The following SPAG16 variants were observed in gnomAD, a reference collection of about 807,000 sequenced individuals.
SPAG16 encodes the protein sperm-associated antigen 16 protein.
SPAG16 carries 86 observed loss-of-function variants against 80.4 expected under a neutral mutation model. The observed-to-expected ratio is 1.07, with a 90% CI of 0.90 to 1.28. The LOEUF is 1.28. Ranked by LOEUF, SPAG16 falls within the 50% of genes most tolerant of loss-of-function variation. The probability of loss-of-function intolerance (pLI) is 0.00; values close to 1 mark genes in which losing one functional copy is unlikely to be tolerated. For synonymous variants in SPAG16, 294 were observed against 265.9 expected, an observed-to-expected ratio of 1.11 and a Z score of -1.03; for missense variants, 870 against 765.3, an observed-to-expected ratio of 1.14 and a Z score of -1.61.
At chr2:214,141,878 T>A (rs1285237957) in intron 14 of SPAG16, among the ~76,000 whole-genome samples, 1 of 152,228 alleles carries the variant, frequency 6.6e-6, no homozygotes, top group Non-Finnish European at 1.5e-5. Flanking sequence ...TTATGCATTA[T>A]ACTCAATATT....
chr2:213,592,856 CA>C (rs1207150548), intron 10 of SPAG16, among the ~76,000 whole-genome samples: 1 of 152,194 alleles, frequency 6.6e-6, no homozygotes, highest in Non-Finnish European at 1.5e-5. Context: ...GGCTATTCTG[CA>C]CTGGCAGAAA....
intron 10 of SPAG16, among the ~76,000 whole-genome samples, chr2:213,722,863 T>G (rs934091698): frequency 3.9e-5 from 6 of 152,062 alleles, no homozygotes; most frequent in African/African-American, 1.4e-4. Flanking sequence ...AACAGGAAAC[T>G]CAGTTGTTTG....
At chr2:213,966,107 G>A (rs574013330) in intron 12 of SPAG16, among the ~76,000 whole-genome samples, 108 of 152,076 alleles carry the variant, frequency 7.1e-4, no homozygotes, top group Non-Finnish European at 1.2e-3. Context: ...TTGCTAGTTT[G>A]GGATCTTCCC....
chr2:213,482,748 AG>A (rs1274855427), intron 9 of SPAG16, among the ~76,000 whole-genome samples: 1 of 152,168 alleles, frequency 6.6e-6, no homozygotes, highest in Non-Finnish European at 1.5e-5. Context: ...GGTTCTGATT[AG>A]AGTGTAGAAT....
At chr2:213,299,867 G>A (rs1238801099) in intron 3 of SPAG16, among the ~76,000 whole-genome samples, 2 of 152,064 alleles carry the variant, frequency 1.3e-5, no homozygotes, top group East Asian at 3.9e-4. Flanking sequence ...ACAAGTAAAG[G>A]TAGGATTATA....
chr2:213,731,634 C>T (rs1346948460), intron 10 of SPAG16, among the ~76,000 whole-genome samples: 5 of 152,072 alleles, frequency 3.3e-5, no homozygotes, highest in African/African-American at 1.2e-4. Context: ...TGCCCCTCTT[C>T]CCACCCCCTG....
chr2:213,464,026 C>A (rs2072533341), intron 9 of SPAG16, among the ~76,000 whole-genome samples: 1 of 152,164 alleles, frequency 6.6e-6, no homozygotes, highest in African/African-American at 2.4e-5. Context: ...GTACTAAGTC[C>A]CCTGGTTGAA....
intron 13 of SPAG16, among the ~76,000 whole-genome samples, chr2:214,062,905 G>A (rs2050346061): frequency 6.6e-6 from 1 of 152,032 alleles, no homozygotes; most frequent in Admixed American, 6.6e-5. Context: ...ACTGTCTAAT[G>A]ATGAAATGTA....
At chr2:214,061,921 C>T (rs1246856890) in intron 13 of SPAG16, among the ~76,000 whole-genome samples, 2 of 150,578 alleles carry the variant, frequency 1.3e-5, no homozygotes, top group Middle Eastern at 6.4e-3. Flanking sequence ...AGATAAAGTT[C>T]CCAGTGTTTG....
chr2:214,304,835 ATACATG>A (rs148287832), intron 15 of SPAG16, among the ~76,000 whole-genome samples: 1,712 of 152,306 alleles, frequency 0.011, 24 homozygotes, highest in East Asian at 0.06. Flanking sequence ...TGCAATGAAC[ATACATG>A]TGCATGTGTC....
intron 7 of SPAG16, among the ~76,000 whole-genome samples, chr2:213,351,934 G>A (rs1559443426): frequency 2.0e-5 from 3 of 152,190 alleles, no homozygotes; most frequent in South Asian, 4.1e-4. Flanking sequence ...TGTCAAGGGC[G>A]GGACCAGGTG....
At chr2:213,354,356 T>A (rs1291340952) in intron 7 of SPAG16, among the ~76,000 whole-genome samples, 3 of 152,214 alleles carry the variant, frequency 2.0e-5, no homozygotes, top group Non-Finnish European at 4.4e-5. Context: ...TACATGTGCA[T>A]GTATCTTTAT....
chr2:214,379,659 A>G (rs922196917), intron 15 of SPAG16, among the ~76,000 whole-genome samples: 3 of 152,362 alleles, frequency 2.0e-5, no homozygotes, highest in Middle Eastern at 3.4e-3. Context: ...GACTAGTTCC[A>G]GAAGAAAGCA....
At chr2:214,058,445 G>A (rs2050057965) in intron 13 of SPAG16, among the ~76,000 whole-genome samples, 1 of 152,110 alleles carries the variant, frequency 6.6e-6, no homozygotes, top group African/African-American at 2.4e-5. Flanking sequence ...TATGTATTCA[G>A]ATCATGGTGC....
intron 11 of SPAG16, among the ~76,000 whole-genome samples, chr2:213,887,486 G>A (rs1397217794): frequency 6.6e-6 from 1 of 151,792 alleles, no homozygotes; most frequent in Non-Finnish European, 1.5e-5. Context: ...TAAAGATGAT[G>A]TGTCTTCAAT....
At chr2:214,086,682 A>G (rs1029895179) in intron 13 of SPAG16, among the ~76,000 whole-genome samples, 2 of 152,174 alleles carry the variant, frequency 1.3e-5, no homozygotes, top group Non-Finnish European at 2.9e-5. Flanking sequence ...TAAATTACCC[A>G]GTCTCCAGAA....
chr2:213,958,482 C>T (rs1026874214), intron 12 of SPAG16, among the ~76,000 whole-genome samples: 8 of 151,914 alleles, frequency 5.3e-5, no homozygotes, highest in African/African-American at 1.9e-4. Context: ...TAAAATTAAA[C>T]CTATATTCAA....
chr2:213,375,996 T>C (rs1378352395), intron 9 of SPAG16, among the ~76,000 whole-genome samples: 2 of 150,390 alleles, frequency 1.3e-5, no homozygotes, highest in Non-Finnish European at 3.0e-5. Context: ...TGTATAAATA[T>C]AAAATATTTA....
chr2:214,053,488 G>T (rs1447272645), intron 13 of SPAG16, among the ~76,000 whole-genome samples: 2 of 152,130 alleles, frequency 1.3e-5, no homozygotes, highest in Non-Finnish European at 2.9e-5. Context: ...GGACTTCTGT[G>T]TAGTCTCACT....
Sources: gnomAD v4.1 joint callset for allele counts (sites outside exome capture counted in the v4.1 genomes callset) on GRCh38, gnomAD v4.1.1 for gene constraint, MANE v1.5 for transcripts, NCBI Gene and HGNC (gene_info 2026-07-23, HGNC 2026-07-21) for gene names.